DCUN1D4: variants seen among roughly 807,000 people sequenced by gnomAD.
DCUN1D4 encodes the protein DCN1-like protein 4.
DCUN1D4 carries 22 observed loss-of-function variants against 47.9 expected under a neutral mutation model. The observed-to-expected ratio is 0.46, with a 90% CI of 0.33 to 0.66. The LOEUF is 0.66. Ranked by LOEUF, DCUN1D4 falls within the 30% of genes least tolerant of loss-of-function variation. The pLI is 0.02. For synonymous variants in DCUN1D4, 121 were observed against 112.2 expected (o/e 1.08, Z -0.50); for missense variants, 301 against 340.8 (o/e 0.88, Z 0.92).
At chr4:51,873,543 T>C (rs1166641870) in intron 3 of DCUN1D4, among the ~76,000 whole-genome samples, 1 of 152,222 alleles carries the variant, frequency 6.6e-6, no homozygotes, top group African/African-American at 2.4e-5. Flanking sequence ...TCTTTCCTCA[T>C]GGAAACTGAA....
At chr4:51,845,648 A>G (rs1722423955) in intron 1 of DCUN1D4, among the ~76,000 whole-genome samples, 1 of 152,218 alleles carries the variant, frequency 6.6e-6, no homozygotes, top group Admixed American at 6.5e-5. Flanking sequence ...TAATGCAGAG[A>G]TGATAGATTT....
chr4:51,856,719 T>C (rs1047381371), intron 1 of DCUN1D4, among the ~76,000 whole-genome samples: 1 of 152,330 alleles, frequency 6.6e-6, no homozygotes, highest in Non-Finnish European at 1.5e-5. Context: ...ACATGAACCA[T>C]TGAGTGCCTC....
At chr4:51,890,533 T>C (rs1730259000) in intron 6 of DCUN1D4, among the ~76,000 whole-genome samples, 1 of 152,112 alleles carries the variant, frequency 6.6e-6, no homozygotes, top group Non-Finnish European at 1.5e-5. Flanking sequence ...AATTTAGGAG[T>C]TGGGTGTTCC....
chr4:51,915,104 A>G lies in DCUN1D4; in HGVS notation c.*1520A>G, dbSNP rs1734202926. The G allele has an allele frequency of 6.6e-6, 1 of 152,548 alleles. No homozygotes were observed. The highest frequency in any genetic ancestry group is 2.1e-4 in the South Asian group (1 of 4,826). 9.4% of individuals were successfully genotyped at this position (152,548 alleles called of 1,614,324 possible). A position where few individuals can be genotyped will look rare whatever the true frequency, so the allele number is the denominator to read the frequency against. On this transcript the variant is annotated 3_prime_UTR_variant, in exon 11 of 11. Coordinates refer to ENST00000334635, the MANE Select transcript of DCUN1D4 (RefSeq NM_001040402.3). ...TTTCGGGTGACATGTGATCGTTTAA[A>G]TGGCATTAAGTGAATAAAGCACACA... is the stretch of plus-strand genomic sequence containing the variant.
At chr4:51,868,606 G>T (rs1726348354) in intron 3 of DCUN1D4, among the ~76,000 whole-genome samples, 1 of 152,184 alleles carries the variant, frequency 6.6e-6, no homozygotes, top group Admixed American at 6.5e-5. Flanking sequence ...TTGAGTCATT[G>T]TAGTACTTCT....
At position 51,910,179 on chromosome 4, in the gene DCUN1D4, A is replaced by G. The variant is rs563749139; in HGVS notation, c.616-891A>G. The stretch of plus-strand genomic sequence containing the variant: ...TAACACATGGAGGCTAGCTTTGGAT[A>G]TGTAAGGTATGCTTATGGTCCCAGG... On this transcript the variant is annotated intron_variant, in intron 8 of 10. Transcript: ENST00000334635. Among the ~76,000 whole-genome samples the G allele has an allele frequency of 7.1e-4, 108 of 152,286 alleles. 1 individual carries two copies. Among genetic ancestry groups the G allele is most frequent in the Admixed American group, 1.8e-3 (28 of 15,294 alleles).
At position 51,915,618 on chromosome 4, in the gene DCUN1D4, T is replaced by C. The variant is rs1251149555; in HGVS notation, c.*2034T>C. The C allele has an allele frequency of 6.6e-6, 1 of 152,598 alleles. No homozygotes were observed. The highest frequency in any genetic ancestry group is 2.4e-5 in the African/African-American group (1 of 41,460). 9.5% of individuals were successfully genotyped at this position (152,598 alleles called of 1,614,324 possible). ...TAAAGGCAACAGGTCATACAGTTCT[T>C]TAAATCTGATCAACTGTAGCTTTAT... On this transcript the variant is annotated 3_prime_UTR_variant, in exon 11 of 11. Coordinates refer to ENST00000334635, the MANE Select transcript of DCUN1D4 (RefSeq NM_001040402.3).
intron 9 of DCUN1D4, among the ~76,000 whole-genome samples, chr4:51,912,476 A>G (rs541564860): frequency 1.3e-5 from 2 of 152,300 alleles, no homozygotes; most frequent in Admixed American, 1.3e-4. Flanking sequence ...TTGTGTTTGC[A>G]TCCTCAAAAC....
At position 51,891,866 on chromosome 4, in the gene DCUN1D4, G is replaced by A; in HGVS notation, c.506+15G>A. On this transcript the variant is annotated intron_variant, in intron 7 of 10. Coordinates refer to ENST00000334635, the MANE Select transcript of DCUN1D4 (RefSeq NM_001040402.3). ...ACTTCTCTCCAGTAAGTCCTAGGCT[G>A]CACTAGTGGGGGTCCCTGCCCTTCC... 2 of 1,577,992 alleles carry A rather than the reference G, an allele frequency of 1.3e-6. No individual in the cohort carries two copies. The highest frequency in any genetic ancestry group is 1.7e-6 in the Non-Finnish European group (2 of 1,157,786).
intron 1 of DCUN1D4, among the ~76,000 whole-genome samples, chr4:51,862,709 T>C (rs1560465903): frequency 6.6e-6 from 1 of 152,116 alleles, no homozygotes; most frequent in Non-Finnish European, 1.5e-5. Context: ...TATGCAAACA[T>C]ACTTTACTTC....
At chr4:51,846,078 C>T (rs1320471566) in intron 1 of DCUN1D4, among the ~76,000 whole-genome samples, 1 of 152,128 alleles carries the variant, frequency 6.6e-6, no homozygotes, top group Non-Finnish European at 1.5e-5. Flanking sequence ...TGAAGCTAGT[C>T]ATAGCTTTCT....
At chr4:51,897,965 G>C (rs1731521285) in intron 7 of DCUN1D4, among the ~76,000 whole-genome samples, 1 of 152,202 alleles carries the variant, frequency 6.6e-6, no homozygotes, top group Non-Finnish European at 1.5e-5. Context: ...TAGAAGGAAT[G>C]ATAGGATTAG....
At chr4:51,851,506 TTGG>T (rs1723355467) in intron 1 of DCUN1D4, among the ~76,000 whole-genome samples, 1 of 151,782 alleles carries the variant, frequency 6.6e-6, no homozygotes. Flanking sequence ...GAGTGGGTGT[TTGG>T]TAGGCTAGAG....
chr4:51,874,319 C>T lies in DCUN1D4; in HGVS notation c.185C>T (p.Pro62Leu). The T allele has an allele frequency of 1.2e-6, 2 of 1,613,474 alleles. No individual in the cohort carries two copies. Among genetic ancestry groups the T allele is most frequent in the Non-Finnish European group, 1.7e-6 (2 of 1,179,834 alleles). ...TCAGACTGCTTTAATAAAGTGATGCCACCAAGGAAAAAGAGAAGACCTGCC... is the reference window on the plus strand; with the variant it reads ...TCAGACTGCTTTAATAAAGTGATGCTACCAAGGAAAAAGAGAAGACCTGCC... ...SSSDCFNKVM[P>L]PRKKRRPASG... is the part of the protein sequence containing the mutation. The change falls in exon 4 of 11, where the codon CCA becomes CTA. Residue 62 changes from proline to leucine, a missense_variant. Coordinates refer to ENST00000334635, the MANE Select transcript of DCUN1D4 (RefSeq NM_001040402.3).
intron 1 of DCUN1D4, among the ~76,000 whole-genome samples, chr4:51,851,617 A>G (rs1302536001): frequency 6.6e-6 from 1 of 152,022 alleles, no homozygotes; most frequent in Non-Finnish European, 1.5e-5. Flanking sequence ...GGGAGAGTGT[A>G]TGAGTGGAAA....
intron 8 of DCUN1D4, among the ~76,000 whole-genome samples, chr4:51,905,735 G>A (rs868442163): frequency 4.6e-5 from 7 of 152,266 alleles, no homozygotes; most frequent in African/African-American, 7.2e-5. Context: ...AGAGGCTGGC[G>A]CATGGGATTT....
chr4:51,899,765 G>T (rs1030763297), intron 8 of DCUN1D4, among the ~76,000 whole-genome samples: 4 of 152,270 alleles, frequency 2.6e-5, no homozygotes, highest in Admixed American at 2.6e-4. Context: ...TTCACCGTGG[G>T]TGCTATTATT....
intron 3 of DCUN1D4, among the ~76,000 whole-genome samples, chr4:51,869,055 C>T (rs775069546): frequency 3.6e-5 from 5 of 140,176 alleles, no homozygotes; most frequent in African/African-American, 5.6e-5. Flanking sequence ...ACCCGGGGGG[C>T]CGAGGTTGCA....
Position 51,887,904 on chromosome 4 carries a change from G to T in DCUN1D4, c.414+1266G>T, listed in dbSNP as rs1349486207. The stretch of plus-strand genomic sequence containing the variant: ...GATTTTTATCTTGGTTTTTTTTTTG[G>T]TTTTTTTTTTTTTTTTAAATGTATT... On this transcript the variant is annotated intron_variant, in intron 6 of 10. Coordinates refer to ENST00000334635, the MANE Select transcript of DCUN1D4 (RefSeq NM_001040402.3). Among the ~76,000 whole-genome samples, 273 of 128,326 alleles carry T rather than the reference G, an allele frequency of 2.1e-3. 1 individual carries two copies. The highest frequency in any genetic ancestry group is 5.5e-3 in the African/African-American group (192 of 34,984). The allele number at this position is 128,326 out of a possible 152,430, so 84.2% of individuals were successfully genotyped here.
Sources: gnomAD v4.1 joint callset for allele counts (sites outside exome capture counted in the v4.1 genomes callset) on GRCh38, gnomAD v4.1.1 for gene constraint, MANE v1.5 for transcripts, NCBI Gene and HGNC (gene_info 2026-07-23, HGNC 2026-07-21) for gene names.